SEMA4D: variants seen among roughly 807,000 people sequenced by gnomAD.
The protein encoded by SEMA4D is semaphorin 4D.
In SEMA4D, 22 loss-of-function variants were observed where a neutral mutation model predicts 74.8. The observed-to-expected ratio is 0.29, with a 90% CI of 0.21 to 0.42. SEMA4D has a LOEUF of 0.42. SEMA4D is among the 10% of genes least tolerant of loss of function. SEMA4D has a pLI of 1.00. For synonymous variants in SEMA4D, 445 were observed against 463.7 expected (o/e 0.96, Z 0.52); for missense variants, 937 against 1,118.4 (o/e 0.84, Z 2.31).
chr9:89,385,182 C>CT (rs1838172800), intron 13 of SEMA4D: 3 of 914,646 alleles, frequency 3.3e-6, no homozygotes, highest in African/African-American at 1.8e-5. Flanking sequence ...TTCCTACCCC[C>CT]TTCTGCCTTT....
intron 1 of SEMA4D, among the ~76,000 whole-genome samples, chr9:89,476,820 C>A (rs541209562): frequency 6.6e-6 from 1 of 152,178 alleles, no homozygotes; most frequent in Non-Finnish European, 1.5e-5. Context: ...AACCTGACTG[C>A]GGAAGGAAGC....
At chr9:89,396,495 C>T (rs548154506) in intron 6 of SEMA4D, among the ~76,000 whole-genome samples, 1 of 152,378 alleles carries the variant, frequency 6.6e-6, no homozygotes, top group Non-Finnish European at 1.5e-5. Flanking sequence ...AGCTGCACCC[C>T]AGGCCTCACC....
In SEMA4D at chr9:89,378,372, C is replaced by G; in HGVS notation, c.*332G>C. 4.0e-6 allele frequency: 1 copy of G among 250,622 alleles called. No individual in the cohort carries two copies. The highest frequency in any genetic ancestry group is 7.7e-6 in the Non-Finnish European group (1 of 129,458). 15.5% of individuals were successfully genotyped at this position (250,622 alleles called of 1,614,324 possible). A position where few individuals can be genotyped will look rare whatever the true frequency, so the allele number is the denominator to read the frequency against. On this transcript the variant is annotated 3_prime_UTR_variant, in exon 16 of 16. Coordinates refer to ENST00000422704, the MANE Select transcript of SEMA4D (RefSeq NM_001371194.2). ...GGGGAGGGGAAGCTGAAGGGATGCTCTTCTCAGCCAACAGAGGTCCAGCCA... is the reference window on the plus strand; with the variant it reads ...GGGGAGGGGAAGCTGAAGGGATGCTGTTCTCAGCCAACAGAGGTCCAGCCA...
intron 1 of SEMA4D, chr9:89,479,935 A>T (rs1180271688): frequency 1.3e-5 from 2 of 152,210 alleles, no homozygotes; most frequent in Non-Finnish European, 2.9e-5. Context: ...ATCTGGCCCC[A>T]CCCACATCCT....
At chr9:89,362,115 C>CTGTT in exon 19 of SEMA4D, 1 of 571,678 alleles carries the variant, frequency 1.7e-6, no homozygotes, top group Non-Finnish European at 3.1e-6. Flanking sequence ...CTATCAAAGC[C>CTGTT]TGTTAGCCAT....
chr9:89,472,179 A>C (rs1228828550), intron 1 of SEMA4D: 2 of 180,636 alleles, frequency 1.1e-5, no homozygotes, highest in Non-Finnish European at 2.3e-5. Flanking sequence ...AGGCAACTGA[A>C]AAGTAAGTAA....
At chr9:89,451,305 C>T (rs932737812) in intron 2 of SEMA4D, among the ~76,000 whole-genome samples, 6 of 152,186 alleles carry the variant, frequency 3.9e-5, no homozygotes, top group African/African-American at 1.2e-4. Flanking sequence ...AGTCAGGCCC[C>T]TCCCATTTTA....
intron 16 of SEMA4D, chr9:89,363,959 AC>A: frequency 6.2e-7 from 1 of 1,614,072 alleles, no homozygotes; most frequent in Non-Finnish European, 8.5e-7. Flanking sequence ...ACCTGGGGAC[AC>A]AGACCGTTTC....
At chr9:89,437,259 C>T (rs1222304422) in intron 2 of SEMA4D, among the ~76,000 whole-genome samples, 1 of 152,208 alleles carries the variant, frequency 6.6e-6, no homozygotes, top group Non-Finnish European at 1.5e-5. Context: ...GTGGCTCGTG[C>T]AGCTCTGGCA....
At chr9:89,444,283 T>C (rs565450968) in intron 2 of SEMA4D, among the ~76,000 whole-genome samples, 23 of 152,292 alleles carry the variant, frequency 1.5e-4, no homozygotes, top group African/African-American at 5.3e-4. Flanking sequence ...ACCCTTATCA[T>C]GCTCTGCCCA....
chr9:89,395,326 A>G (rs1283813416), intron 6 of SEMA4D, among the ~76,000 whole-genome samples: 2 of 152,090 alleles, frequency 1.3e-5, no homozygotes, highest in Non-Finnish European at 2.9e-5. Context: ...CGGGAGGCTG[A>G]GGCAGGAGAA....
In SEMA4D at chr9:89,381,005, A is replaced by G; in HGVS notation, c.1663+50T>C. 1.9e-6 allele frequency: 3 copies of G among 1,609,714 alleles called. No homozygotes were observed. The highest frequency in any genetic ancestry group is 2.6e-6 in the Non-Finnish European group (3 of 1,176,188). Reference sequence around the variant, plus strand: ...AGAACTGAAGCACCGTGAAATGGCTACAAGACCTCGCCACTCCCAAAGGAA... The same window carrying G: ...AGAACTGAAGCACCGTGAAATGGCTGCAAGACCTCGCCACTCCCAAAGGAA... On this transcript the variant is annotated intron_variant, in intron 15 of 15. Transcript: ENST00000422704. This position sits in a 1 kb window ranked among gnomAD's most constrained non-coding sequence, Gnocchi z 4.6.
At position 89,392,511 on chromosome 9, in the gene SEMA4D, C is replaced by G; in HGVS notation, c.534G>C (p.Ser178=). The G allele has an allele frequency of 9.9e-6, 16 of 1,613,606 alleles. No homozygotes were observed. Among genetic ancestry groups the G allele is most frequent in the Non-Finnish European group, 1.4e-5 (16 of 1,179,568 alleles). ...TGGGTTCACTTCCCAAAAAATTATACGACGTCCCCGAATAAAGTTCTCCAT... is the reference window on the plus strand; with the variant it reads ...TGGGTTCACTTCCCAAAAAATTATAGGACGTCCCCGAATAAAGTTCTCCAT... The part of the protein sequence containing the change: ...MVDGELYSGT[S]YNFLGSEPII... Residue 178 remains serine (S), a synonymous_variant, in exon 8 of 16, where the codon TCG becomes TCC. Coordinates refer to ENST00000422704, the MANE Select transcript of SEMA4D (RefSeq NM_001371194.2).
At chr9:89,417,961 C>G (rs927418681) in intron 2 of SEMA4D, 5 of 378,040 alleles carry the variant, frequency 1.3e-5, no homozygotes, top group Non-Finnish European at 1.8e-5. Flanking sequence ...ACCAAGGGAC[C>G]AAGCAACCAA....
At chr9:89,496,938 C>T (rs1178455544) in intron 1 of SEMA4D, among the ~76,000 whole-genome samples, 1 of 152,224 alleles carries the variant, frequency 6.6e-6, no homozygotes, top group African/African-American at 2.4e-5. Flanking sequence ...GCTTGGCCTT[C>T]GGGGGCCTGG....
chr9:89,374,776 G>A (rs373993736), downstream of SEMA4D, among the ~76,000 whole-genome samples: 20 of 152,304 alleles, frequency 1.3e-4, no homozygotes, highest in East Asian at 3.3e-3. Context: ...ACAGCAGCCG[G>A]GCATGGTGGC....
At chr9:89,487,835 C>T (rs1302654328) in intron 1 of SEMA4D, among the ~76,000 whole-genome samples, 2 of 152,144 alleles carry the variant, frequency 1.3e-5, no homozygotes, top group Non-Finnish European at 2.9e-5. Flanking sequence ...CTACAAAACA[C>T]TGCTGAAAGA....
intron 1 of SEMA4D, among the ~76,000 whole-genome samples, chr9:89,490,451 G>A (rs1488348898): frequency 6.6e-6 from 1 of 152,162 alleles, no homozygotes; most frequent in Non-Finnish European, 1.5e-5. Flanking sequence ...TTCGAATCCA[G>A]TAGAAACGGT....
intron 1 of SEMA4D, among the ~76,000 whole-genome samples, chr9:89,482,082 T>G (rs528626061): frequency 2.0e-5 from 3 of 152,220 alleles, no homozygotes; most frequent in Non-Finnish European, 2.9e-5. Context: ...CACTGCAAAG[T>G]AGTGGGCCAT....
Sources: allele counts gnomAD v4.1 joint callset (sites outside exome capture counted in the v4.1 genomes callset), GRCh38; gene constraint gnomAD v4.1.1; non-coding constraint Gnocchi (gnomAD v3.1); transcripts MANE v1.5; gene names NCBI Gene and HGNC (gene_info 2026-07-23, HGNC 2026-07-21).